The following FCHSD2 variants were observed in gnomAD, a reference collection of about 807,000 sequenced individuals.
The protein encoded by FCHSD2 is F-BAR and double SH3 domains protein 2.
Under a neutral mutation model 108.1 loss-of-function variants are expected in FCHSD2, and 38 were observed. The ratio of observed to expected loss-of-function variants is 0.35; its 90% CI spans 0.27 to 0.46. FCHSD2 has a LOEUF of 0.46. Among genes scored for constraint, FCHSD2 ranks in the 20% least tolerant of loss-of-function variants. FCHSD2 has a pLI of 1.00. For synonymous variants in FCHSD2, 279 were observed against 314.7 expected, an observed-to-expected ratio of 0.89 and a Z score of 1.20; for missense variants, 751 against 897.8, an observed-to-expected ratio of 0.84 and a Z score of 2.09.
At chr11:72,838,998 G>C in intron 19 of FCHSD2, 124 bp from the exon 20 acceptor site, 1 of 741,436 alleles carries the variant, frequency 1.3e-6, no homozygotes, top group South Asian at 1.7e-5. Flanking sequence ...GAAATGTTGT[G>C]AGCACGTGCT....
intron 3 of FCHSD2, among the ~76,000 whole-genome samples, chr11:73,082,465 A>T (rs1016210815): frequency 3.3e-5 from 5 of 152,012 alleles, no homozygotes; most frequent in Non-Finnish European, 7.4e-5. Context: ...TGAACCAATG[A>T]ATTAATTAGT....
At chr11:73,085,042 A>C (rs148416020) in intron 2 of FCHSD2, among the ~76,000 whole-genome samples, 118 of 152,208 alleles carry the variant, frequency 7.8e-4, no homozygotes, top group African/African-American at 2.6e-3. Flanking sequence ...ATTTAAATTC[A>C]CCAAATGACT....
Position 73,087,704 on chromosome 11 carries a change from C to CAA in FCHSD2, c.120-3966_120-3965dup, listed in dbSNP as rs534614813. ...TGGGCAACAGAGCGAGGCTTTGTCTCAAAAAAAAAAAAAAAATTTTTAAAA... is the reference window on the plus strand; with the variant it reads ...TGGGCAACAGAGCGAGGCTTTGTCTCAAAAAAAAAAAAAAAAAATTTTTAAAA... On this transcript the variant is annotated intron_variant, in intron 2 of 19. Coordinates refer to ENST00000409418, the MANE Select transcript of FCHSD2 (RefSeq NM_014824.3). Among the ~76,000 whole-genome samples the CAA allele has an allele frequency of 3.1e-3, 351 of 114,178 alleles. 1 individual carries two copies. Among genetic ancestry groups the CAA allele is most frequent in the African/African-American group, 0.011 (333 of 31,148 alleles). 74.9% of individuals were successfully genotyped at this position (114,178 alleles called of 152,430 possible). A position where few individuals can be genotyped will look rare whatever the true frequency, so the allele number is the denominator to read the frequency against.
At chr11:72,980,929 A>C (rs1420292624) in intron 8 of FCHSD2, among the ~76,000 whole-genome samples, 2 of 152,260 alleles carry the variant, frequency 1.3e-5, no homozygotes, top group East Asian at 3.9e-4. Context: ...CCTGCTTTTA[A>C]GCTACCCATA....
At chr11:73,086,472 A>C (rs1591542295) in intron 2 of FCHSD2, among the ~76,000 whole-genome samples, 1 of 152,328 alleles carries the variant, frequency 6.6e-6, no homozygotes, top group African/African-American at 2.4e-5. Flanking sequence ...TTTACAACTT[A>C]AGGAACTAGA....
intron 8 of FCHSD2, among the ~76,000 whole-genome samples, chr11:72,967,698 G>A (rs201755122): frequency 6.6e-6 from 1 of 152,264 alleles, no homozygotes; most frequent in South Asian, 2.1e-4. Flanking sequence ...AGTGGTGATG[G>A]TTGTACAACC....
chr11:72,853,796 G>A (rs1304411596), intron 13 of FCHSD2, among the ~76,000 whole-genome samples: 2 of 152,120 alleles, frequency 1.3e-5, no homozygotes, highest in Non-Finnish European at 2.9e-5. Context: ...CCCACAGAAT[G>A]GGATAAGGTA....
intron 9 of FCHSD2, among the ~76,000 whole-genome samples, chr11:72,916,169 T>C (rs1377248873): frequency 6.6e-6 from 1 of 151,996 alleles, no homozygotes; most frequent in Admixed American, 6.6e-5. Flanking sequence ...ATGACACAAG[T>C]TTACCTACAT....
Position 72,921,881 on chromosome 11 carries a change from T to A in FCHSD2, c.775A>T (p.Thr259Ser), listed in dbSNP as rs771184875. 2 of 1,609,178 alleles carry A rather than the reference T, an allele frequency of 1.2e-6. No individual in the cohort carries two copies. Among genetic ancestry groups the A allele is most frequent in the Non-Finnish European group, 1.7e-6 (2 of 1,177,230 alleles). ...LIAFSRTELE[T>S]CQAVQNTFQF... ...AATGTGTTCTGCACAGCTTGGCATGTTTCTAGCTCAGTCCGGCTGAAGGCT... is the reference window on the plus strand; with the variant it reads ...AATGTGTTCTGCACAGCTTGGCATGATTCTAGCTCAGTCCGGCTGAAGGCT... Residue 259 changes from threonine (T) to serine (S), a missense_variant, in exon 9 of 20, where the codon ACA (threonine) becomes TCA (serine). Physicochemically the swap from Thr to Ser is moderately conservative, Grantham distance 58 (BLOSUM62 1). Coordinates refer to ENST00000409418, the MANE Select transcript of FCHSD2 (RefSeq NM_014824.3).
At chr11:72,845,982 A>G (rs1365513954) in intron 14 of FCHSD2, among the ~76,000 whole-genome samples, 1 of 152,120 alleles carries the variant, frequency 6.6e-6, no homozygotes, top group Non-Finnish European at 1.5e-5. Flanking sequence ...GTGCTCAAGC[A>G]CTATTTGTTG....
At chr11:73,111,512 C>G (rs1268016049) in intron 2 of FCHSD2, among the ~76,000 whole-genome samples, 1 of 148,754 alleles carries the variant, frequency 6.7e-6, no homozygotes, top group East Asian at 2.0e-4. Context: ...AAGTGTGTTT[C>G]CTGTAGGCAA....
In FCHSD2 at chr11:73,051,647, G is replaced by A. The variant is rs1298678942; in HGVS notation, c.165+32048C>T. Reference sequence around the variant, plus strand: ...ACAGCAAAGTTTAAAACCACTATGGGTTATCTGCAGAGATGTACTGGCTAT... The same window carrying A: ...ACAGCAAAGTTTAAAACCACTATGGATTATCTGCAGAGATGTACTGGCTAT... On this transcript the variant is annotated intron_variant, in intron 3 of 19. Coordinates refer to ENST00000409418, the MANE Select transcript of FCHSD2 (RefSeq NM_014824.3). Among the ~76,000 whole-genome samples the A allele has an allele frequency of 6.6e-5, 10 of 152,092 alleles. No homozygotes were observed. In the South Asian group the frequency reaches 1.9e-3, roughly 28 times the overall value.
chr11:73,062,673 G>A (rs1384306555), intron 3 of FCHSD2, among the ~76,000 whole-genome samples: 1 of 152,006 alleles, frequency 6.6e-6, no homozygotes, highest in East Asian at 1.9e-4. Flanking sequence ...TCGATCAAGA[G>A]GAAGAAAGGA....
In FCHSD2 at chr11:72,989,032, G is replaced by A; in HGVS notation, c.453C>T (p.Gly151=). The change falls in exon 6 of 20, where the codon GGC becomes GGT. Residue 151 remains glycine, a synonymous_variant. Coordinates refer to ENST00000409418, the MANE Select transcript of FCHSD2 (RefSeq NM_014824.3). ...GTTCAGTCTCAAAGTATTTCTTTTT[G>A]CCTTTAGCTAAATCTTTCACTGTCT... The part of the protein sequence containing the change: ...LQETVKDLAK[G]KKKYFETEQM... The A allele has an allele frequency of 1.2e-6, 2 of 1,610,500 alleles. No homozygotes were observed. Among genetic ancestry groups the A allele is most frequent in the Non-Finnish European group, 1.7e-6 (2 of 1,177,888 alleles).
intron 1 of FCHSD2, 93 bp downstream of exon 1, chr11:73,141,764 C>G (rs1446923345): frequency 7.2e-7 from 1 of 1,389,644 alleles, no homozygotes; most frequent in Admixed American, 2.2e-5. Flanking sequence ...GTCACGGCCC[C>G]TTGCGGGAGG....
intron 8 of FCHSD2, among the ~76,000 whole-genome samples, chr11:72,942,925 A>G (rs894245663): frequency 2.0e-5 from 3 of 152,120 alleles, no homozygotes; most frequent in African/African-American, 7.2e-5. Flanking sequence ...CTACAGGTGC[A>G]TACTTCCCAA....
intron 8 of FCHSD2, among the ~76,000 whole-genome samples, chr11:72,926,388 A>G (rs1379008446): frequency 6.6e-6 from 1 of 152,156 alleles, no homozygotes; most frequent in Admixed American, 6.5e-5. Context: ...TGGCATGACC[A>G]GTTGCAGAGA....
intron 5 of FCHSD2, among the ~76,000 whole-genome samples, chr11:72,995,119 AT>A (rs1194852392): frequency 6.6e-6 from 1 of 152,118 alleles, no homozygotes; most frequent in African/African-American, 2.4e-5. Context: ...TTATCAAAAC[AT>A]TTTTAGGGTT....
intron 8 of FCHSD2, among the ~76,000 whole-genome samples, chr11:72,938,028 G>A (rs1473871605): frequency 6.6e-6 from 1 of 152,190 alleles, no homozygotes; most frequent in East Asian, 1.9e-4. Context: ...TGTCTAAGAA[G>A]TATGACATGA....
Sources: allele counts gnomAD v4.1 joint callset (sites outside exome capture counted in the v4.1 genomes callset), GRCh38; gene constraint gnomAD v4.1.1; transcripts MANE v1.5; gene names NCBI Gene and HGNC (gene_info 2026-07-23, HGNC 2026-07-21).